The following ENAH variants were observed in gnomAD, a reference collection of about 807,000 sequenced individuals.
The protein encoded by ENAH is ENAH actin regulator.
Under a neutral mutation model 78.7 loss-of-function variants are expected in ENAH, and 23 were observed. That is an observed-to-expected ratio of 0.29 (90% confidence interval 0.21 to 0.41). The LOEUF (loss-of-function observed/expected upper bound fraction) is 0.41. Among genes scored for constraint, ENAH ranks in the 10% least tolerant of loss-of-function variants. The pLI is 1.00. For synonymous variants in ENAH, 226 were observed against 241.0 expected (o/e 0.94, Z 0.58); for missense variants, 544 against 691.0 (o/e 0.79, Z 2.39).
chr1:225,549,220 T>C (rs559020937), intron 3 of ENAH, among the ~76,000 whole-genome samples: 71 of 152,274 alleles, frequency 4.7e-4, no homozygotes, highest in Non-Finnish European at 4.9e-4. Context: ...AAAGCTAAAC[T>C]AAAAAACTTT....
intron 2 of ENAH, among the ~76,000 whole-genome samples, chr1:225,564,085 T>C (rs2096722314): frequency 6.6e-6 from 1 of 152,144 alleles, no homozygotes; most frequent in Admixed American, 6.5e-5. Context: ...TTATTTGTAC[T>C]GTTCCTTTTT....
chr1:225,622,167 T>G (rs1318736134), intron 1 of ENAH, among the ~76,000 whole-genome samples: 2 of 152,054 alleles, frequency 1.3e-5, no homozygotes, highest in African/African-American at 4.8e-5. Context: ...ATTATACATA[T>G]TGAGTGTTAG....
intron 1 of ENAH, among the ~76,000 whole-genome samples, chr1:225,584,859 A>G (rs1352182902): frequency 6.6e-6 from 1 of 152,240 alleles, no homozygotes; most frequent in African/African-American, 2.4e-5. Context: ...AAATTATAAA[A>G]TGGTCAATTC....
At chr1:225,580,074 T>C (rs2096807923) in intron 1 of ENAH, 1 of 152,036 alleles carries the variant, frequency 6.6e-6, no homozygotes, top group Non-Finnish European at 1.5e-5. Context: ...TATTATACCT[T>C]CTTCTTCTTC....
At chr1:225,579,692 A>G (rs1558849094) in intron 1 of ENAH, among the ~76,000 whole-genome samples, 1 of 152,370 alleles carries the variant, frequency 6.6e-6, no homozygotes, top group Admixed American at 6.5e-5. Flanking sequence ...TACACAATGT[A>G]TGAGTTTAGC....
intron 1 of ENAH, among the ~76,000 whole-genome samples, chr1:225,610,961 C>T (rs760170867): frequency 4.6e-5 from 7 of 152,220 alleles, no homozygotes; most frequent in South Asian, 2.1e-4. Context: ...ACAGATCTAA[C>T]GTTAGGCCGA....
At chr1:225,526,215 A>C (rs1183380490) in intron 4 of ENAH, among the ~76,000 whole-genome samples, 1 of 152,128 alleles carries the variant, frequency 6.6e-6, no homozygotes. Context: ...TGAACCTTCT[A>C]ATCTGATCTT....
At chr1:225,649,199 G>A (rs938052531) in intron 1 of ENAH, among the ~76,000 whole-genome samples, 3 of 152,010 alleles carry the variant, frequency 2.0e-5, no homozygotes, top group African/African-American at 4.8e-5. Flanking sequence ...ATTACTTCAA[G>A]GTCACCCAGC....
Position 225,519,533 on chromosome 1 carries a change from A to G in ENAH, c.467T>C (p.Leu156Pro). Reference protein sequence around the residue: ...QLQEQQRQKELERERLERERM... With the variant: ...QLQEQQRQKEPERERLERERM... ...TTCTCGCTCCAGCCTTTCCCGCTCCAGCTCCTTTTGCCGTTGCTGTTCTTG... is the reference window on the plus strand; with the variant it reads ...TTCTCGCTCCAGCCTTTCCCGCTCCGGCTCCTTTTGCCGTTGCTGTTCTTG... Residue 156 changes from leucine (L) to proline (P), a missense_variant, in exon 5 of 14, where the codon CTG becomes CCG. Around this residue, in one of 4 missense-constraint regions of ENAH, gnomAD observed 366 missense variants for 396.1 expected, o/e 0.92. Transcript: ENST00000366843. 6.2e-7 allele frequency: 1 copy of G among 1,611,982 alleles called. No individual in the cohort carries two copies. The highest frequency in any genetic ancestry group is 1.7e-5 in the Admixed American group (1 of 59,888).
intron 1 of ENAH, among the ~76,000 whole-genome samples, chr1:225,648,435 C>T (rs1183994341): frequency 6.6e-6 from 1 of 152,178 alleles, no homozygotes; most frequent in Non-Finnish European, 1.5e-5. Context: ...CAAATGGTGC[C>T]TCCATAGTTA....
intron 1 of ENAH, among the ~76,000 whole-genome samples, chr1:225,571,058 T>C (rs762431949): frequency 2.0e-5 from 3 of 151,994 alleles, no homozygotes; most frequent in Non-Finnish European, 4.4e-5. Context: ...CAGTAAACTA[T>C]TATTAGTTAA....
In ENAH at chr1:225,508,008, CTTG is replaced by C; in HGVS notation, c.1478_1480del (p.Thr493del). The stretch of plus-strand genomic sequence containing the variant: ...TGTATTTGTTCTTTCCCAAGGTTTT[CTTG>C]TTGGTTCTTTAAAAATAAAAAACAA... On this transcript the variant is annotated inframe_deletion, in exon 11 of 14. Transcript: ENST00000366843. 1 of 1,548,532 alleles carries C rather than the reference CTTG, an allele frequency of 6.5e-7. No individual in the cohort carries two copies. Among genetic ancestry groups the C allele is most frequent in the Non-Finnish European group, 8.7e-7 (1 of 1,156,044 alleles).
intron 4 of ENAH, among the ~76,000 whole-genome samples, chr1:225,522,505 T>G (rs1178542092): frequency 6.6e-6 from 1 of 152,226 alleles, no homozygotes; most frequent in African/African-American, 2.4e-5. Context: ...GACTTCATTA[T>G]GCTATTTGAT....
At chr1:225,516,143 C>G (rs1430701496) in intron 6 of ENAH, among the ~76,000 whole-genome samples, 1 of 152,188 alleles carries the variant, frequency 6.6e-6, no homozygotes, top group Admixed American at 6.5e-5. Flanking sequence ...AAATAATCCA[C>G]TTAGAGATTA....
rs200029275 is a variant in ENAH, at chr1:225,530,518, T to C, written c.434+36A>G. 5.0e-5 allele frequency: 76 copies of C among 1,533,540 alleles called. No individual in the cohort carries two copies. In the East Asian group the frequency reaches 1.1e-3, roughly 21 times the overall value. 95.0% of individuals were successfully genotyped at this position (1,533,540 alleles called of 1,614,324 possible). A position where few individuals can be genotyped will look rare whatever the true frequency, so the allele number is the denominator to read the frequency against. On this transcript the variant is annotated intron_variant, in intron 4 of 13. Transcript: ENST00000366843. ...ATGTTCAGTTTTGTCTTCTGAAGCATAAAGAAAAAGTACAAACAATAACTT... is the reference window on the plus strand; with the variant it reads ...ATGTTCAGTTTTGTCTTCTGAAGCACAAAGAAAAAGTACAAACAATAACTT...
intron 1 of ENAH, among the ~76,000 whole-genome samples, chr1:225,597,484 ACT>A (rs1389084206): frequency 2.0e-5 from 3 of 151,584 alleles, no homozygotes; most frequent in African/African-American, 7.3e-5. Context: ...ACATAGAAAG[ACT>A]CTGTTTCTAC....
intron 1 of ENAH, among the ~76,000 whole-genome samples, chr1:225,588,242 G>GA (rs1455683542): frequency 6.6e-6 from 1 of 151,992 alleles, no homozygotes; most frequent in African/African-American, 2.4e-5. Flanking sequence ...CACAGATGAA[G>GA]AAAAAAATCT....
intron 4 of ENAH, among the ~76,000 whole-genome samples, chr1:225,526,267 G>T (rs547287638): frequency 6.6e-6 from 1 of 151,156 alleles, no homozygotes; most frequent in South Asian, 2.1e-4. Flanking sequence ...CTTTGTTTTA[G>T]GACTATTTTC....
At chr1:225,528,112 A>T (rs1257426883) in intron 4 of ENAH, among the ~76,000 whole-genome samples, 6 of 152,218 alleles carry the variant, frequency 3.9e-5, no homozygotes, top group Non-Finnish European at 1.5e-5. Flanking sequence ...ATTCAGTACC[A>T]GAAACTTCTT....
Sources: gnomAD v4.1 joint callset for allele counts (sites outside exome capture counted in the v4.1 genomes callset) on GRCh38, gnomAD v4.1.1 for gene constraint, gnomAD v4.1.1 regional missense constraint, MANE v1.5 for transcripts, NCBI Gene and HGNC (gene_info 2026-07-23, HGNC 2026-07-21) for gene names.